CCSER1: variants seen among roughly 807,000 people sequenced by gnomAD.
The protein encoded by CCSER1 is serine-rich coiled-coil domain-containing protein 1.
Under a neutral mutation model 82.0 loss-of-function variants are expected in CCSER1, and 41 were observed. The observed-to-expected ratio is 0.50, with a 90% CI of 0.39 to 0.65. The LOEUF is 0.65. CCSER1 is among the 30% of genes least tolerant of loss of function. The pLI is 0.00. For missense variants in CCSER1, 1,119 were observed against 1,064.2 expected (o/e 1.05, Z -0.72); for synonymous variants, 414 against 383.9 (o/e 1.08, Z -0.92).
chr4:90,957,513 TA>T (rs1733594705), intron 9 of CCSER1, among the ~76,000 whole-genome samples: 1 of 115,762 alleles, frequency 8.6e-6, no homozygotes, highest in African/African-American at 3.0e-5. Context: ...TTATATAATA[TA>T]ACATAATATC....
intron 6 of CCSER1, among the ~76,000 whole-genome samples, chr4:90,660,282 G>C (rs1730526119): frequency 8.4e-6 from 1 of 118,350 alleles, no homozygotes; most frequent in Admixed American, 7.9e-5. Flanking sequence ...ATCAACCTAA[G>C]TGTCCATCGT....
intron 9 of CCSER1, among the ~76,000 whole-genome samples, chr4:90,985,342 G>A (rs938250541): frequency 2.7e-5 from 4 of 150,930 alleles, no homozygotes; most frequent in African/African-American, 9.7e-5. Context: ...TTACTGTTTA[G>A]AAAGCCATCA....
At chr4:91,354,119 C>A (rs1748662012) in intron 10 of CCSER1, among the ~76,000 whole-genome samples, 1 of 152,124 alleles carries the variant, frequency 6.6e-6, no homozygotes, top group Non-Finnish European at 1.5e-5. Flanking sequence ...GTTTTATTAG[C>A]AATGATTTTT....
At chr4:91,255,349 A>C (rs1303857224) in intron 10 of CCSER1, among the ~76,000 whole-genome samples, 1 of 152,210 alleles carries the variant, frequency 6.6e-6, no homozygotes, top group Admixed American at 6.5e-5. Flanking sequence ...CACATGTTAG[A>C]TCTATATGTG....
intron 10 of CCSER1, among the ~76,000 whole-genome samples, chr4:91,364,329 G>A (rs144964077): frequency 6.6e-6 from 1 of 151,798 alleles, no homozygotes; most frequent in Non-Finnish European, 1.5e-5. Flanking sequence ...TTCATGATGG[G>A]AAATACACAC....
At chr4:91,443,667 A>G (rs1053489313) in intron 10 of CCSER1, among the ~76,000 whole-genome samples, 1 of 149,646 alleles carries the variant, frequency 6.7e-6, no homozygotes, top group African/African-American at 2.4e-5. Context: ...TAATAAAATA[A>G]TAATAAAATA....
chr4:90,908,190 T>G (rs1320553100), intron 8 of CCSER1, among the ~76,000 whole-genome samples: 1 of 152,080 alleles, frequency 6.6e-6, no homozygotes, highest in Non-Finnish European at 1.5e-5. Context: ...AAAAAAGATA[T>G]TAAGACAGAG....
chr4:91,238,208 G>A (rs143219759), intron 10 of CCSER1, among the ~76,000 whole-genome samples: 86 of 152,092 alleles, frequency 5.7e-4, no homozygotes, highest in Admixed American at 7.9e-4. Flanking sequence ...TCAGAAGAAC[G>A]TTTAAAAGAG....
Position 90,308,895 on chromosome 4 carries a change from T to C in CCSER1, c.611T>C (p.Val204Ala). ...PVLQSQSISLVQQSEFSLEVT... is the reference protein window; with the variant it reads ...PVLQSQSISLAQQSEFSLEVT... ...CTACAGAGCCAATCCATTTCATTGG[T>C]ACAACAGTCTGAATTCTCATTGGAA... Residue 204 changes from valine (V) to alanine (A), a missense_variant, in exon 2 of 11, where the codon GTA becomes GCA. Transcript: ENST00000509176. 1 of 1,613,908 alleles carries C rather than the reference T, an allele frequency of 6.2e-7. No homozygotes were observed. The highest frequency in any genetic ancestry group is 2.2e-5 in the East Asian group (1 of 44,876).
At chr4:91,322,932 C>T (rs950681024) in intron 10 of CCSER1, among the ~76,000 whole-genome samples, 4 of 152,090 alleles carry the variant, frequency 2.6e-5, no homozygotes, top group Non-Finnish European at 5.9e-5. Context: ...CCAAAACAGT[C>T]TTTCAGTCTG....
chr4:91,133,491 G>A (rs989428505), intron 10 of CCSER1, among the ~76,000 whole-genome samples: 7 of 152,100 alleles, frequency 4.6e-5, no homozygotes, highest in African/African-American at 1.7e-4. Context: ...TTAAAATATG[G>A]AAGTAGTGAA....
intron 10 of CCSER1, among the ~76,000 whole-genome samples, chr4:91,186,847 T>C (rs1734589433): frequency 6.6e-6 from 1 of 152,234 alleles, no homozygotes; most frequent in African/African-American, 2.4e-5. Flanking sequence ...TAAGAATGCC[T>C]TTAAGCAGTT....
At chr4:90,736,286 C>A (rs1745637688) in intron 7 of CCSER1, among the ~76,000 whole-genome samples, 1 of 151,978 alleles carries the variant, frequency 6.6e-6, no homozygotes, top group Non-Finnish European at 1.5e-5. Context: ...ATGATCTGTC[C>A]AATGCTGAAT....
intron 5 of CCSER1, among the ~76,000 whole-genome samples, chr4:90,596,466 G>A (rs1313924664): frequency 6.6e-6 from 1 of 151,682 alleles, no homozygotes; most frequent in Non-Finnish European, 1.5e-5. Flanking sequence ...TGGCATTTAA[G>A]CTTATTTCTA....
intron 10 of CCSER1, among the ~76,000 whole-genome samples, chr4:91,296,221 T>G (rs866488822): frequency 6.6e-6 from 1 of 151,640 alleles, no homozygotes. Context: ...CTTAAGTTTC[T>G]GGCAGCCAAA....
At chr4:91,223,337 A>G (rs1737899758) in intron 10 of CCSER1, among the ~76,000 whole-genome samples, 1 of 152,170 alleles carries the variant, frequency 6.6e-6, no homozygotes, top group Non-Finnish European at 1.5e-5. Flanking sequence ...AAAACACATA[A>G]ACATGTAGAC....
At chr4:91,452,550 C>T (rs571390769) in intron 10 of CCSER1, among the ~76,000 whole-genome samples, 1 of 152,100 alleles carries the variant, frequency 6.6e-6, no homozygotes, top group South Asian at 2.1e-4. Context: ...CCTTTGAGAA[C>T]ATTTCCAGAA....
chr4:91,441,053 T>C (rs1248817580), intron 10 of CCSER1, among the ~76,000 whole-genome samples: 2 of 152,052 alleles, frequency 1.3e-5, no homozygotes, highest in East Asian at 3.9e-4. Flanking sequence ...AAGGAGGAAC[T>C]GGTACCATTC....
intron 7 of CCSER1, among the ~76,000 whole-genome samples, chr4:90,738,341 G>T (rs979349041): frequency 6.6e-6 from 1 of 152,146 alleles, no homozygotes; most frequent in Admixed American, 6.5e-5. Context: ...GACACCCCAA[G>T]CTGAGTAATG....
Sources: allele counts gnomAD v4.1 joint callset (sites outside exome capture counted in the v4.1 genomes callset), GRCh38; gene constraint gnomAD v4.1.1; transcripts MANE v1.5; gene names NCBI Gene and HGNC (gene_info 2026-07-23, HGNC 2026-07-21).